GTF3C1: variants seen among roughly 807,000 people sequenced by gnomAD.
GTF3C1 encodes the protein general transcription factor IIIC subunit 1.
In GTF3C1, 57 loss-of-function variants were observed where a neutral mutation model predicts 226.7. That is an observed-to-expected ratio of 0.25 (90% CI 0.20 to 0.31). The LOEUF (loss-of-function observed/expected upper bound fraction) is 0.31. GTF3C1 is among the 10% of genes least tolerant of loss of function. The probability of loss-of-function intolerance (pLI) is 1.00; values close to 1 mark genes in which losing one functional copy is unlikely to be tolerated. For synonymous variants in GTF3C1, 1,090 were observed against 1,084.8 expected, an observed-to-expected ratio of 1.00 and a Z score of -0.09; for missense variants, 2,217 against 2,776.1, an observed-to-expected ratio of 0.80 and a Z score of 4.53.
At position 27,486,033 on chromosome 16, in the gene GTF3C1, C is replaced by T. The variant is rs1220912310; in HGVS notation, c.3822G>A (p.Val1274=). Residue 1274 remains valine, a synonymous_variant, in exon 24 of 37, where the codon GTG becomes GTA. Transcript: ENST00000356183. ...TWSMQEDGLL[V]LCRIASNVLN... is the part of the protein sequence containing the mutation. ...GGACATTGCTGGCAATGCGGCACAG[C>T]ACAAGCAGCCCATCCTCCTGCATAG... 2 of 1,612,638 alleles carry T rather than the reference C, an allele frequency of 1.2e-6. No homozygotes were observed. The highest frequency in any genetic ancestry group is 8.5e-7 in the Non-Finnish European group (1 of 1,179,020).
At chr16:27,528,256 G>A (rs2088862497) in intron 6 of GTF3C1, among the ~76,000 whole-genome samples, 1 of 152,110 alleles carries the variant, frequency 6.6e-6, no homozygotes, top group Non-Finnish European at 1.5e-5. Flanking sequence ...GGCGACAAAA[G>A]CGAGACTGCC....
Position 27,486,138 on chromosome 16 carries a change from T to C in GTF3C1, c.3717A>G (p.Glu1239=), listed in dbSNP as rs1219218608. Residue 1239 remains glutamate (E), a synonymous_variant, in exon 24 of 37, where the codon GAA becomes GAG. Coordinates refer to ENST00000356183, the MANE Select transcript of GTF3C1 (RefSeq NM_001520.4). ...KRKKKGEFPG[E]KSKRLRYHDE... Reference sequence around the variant, plus strand: ...CATGGTAGCGCAGCCTTTTGCTTTTTTCTCCTGGGAACTCTCCTAAAAACA... The same window carrying C: ...CATGGTAGCGCAGCCTTTTGCTTTTCTCTCCTGGGAACTCTCCTAAAAACA... The C allele has an allele frequency of 6.2e-7, 1 of 1,604,558 alleles. No individual in the cohort carries two copies. Among genetic ancestry groups the C allele is most frequent in the Non-Finnish European group, 8.5e-7 (1 of 1,172,184 alleles).
intron 6 of GTF3C1, among the ~76,000 whole-genome samples, chr16:27,513,571 C>T (rs1250012095): frequency 6.6e-6 from 1 of 152,148 alleles, no homozygotes; most frequent in Non-Finnish European, 1.5e-5. Flanking sequence ...GGGACCACAA[C>T]CCAGGGAATG....
At chr16:27,499,862 A>T (rs1036691467) in intron 12 of GTF3C1, among the ~76,000 whole-genome samples, 3 of 152,248 alleles carry the variant, frequency 2.0e-5, no homozygotes, top group African/African-American at 7.2e-5. Context: ...TGCCAGCAGC[A>T]CATGCTCTGG....
rs769508735 is a variant in GTF3C1, at chr16:27,505,890, T to C, written c.1770+9A>G. On this transcript the variant is annotated intron_variant, in intron 10 of 36. Transcript: ENST00000356183. ...TTGGAGACAGCTCCCTCCCTCTGCATGCACTGACCTTTGGGTTTTCCATCC... is the reference window on the plus strand; with the variant it reads ...TTGGAGACAGCTCCCTCCCTCTGCACGCACTGACCTTTGGGTTTTCCATCC... 12 of 1,499,418 alleles carry C rather than the reference T, an allele frequency of 8.0e-6. No homozygotes were observed. In the African/African-American group the frequency reaches 1.5e-4, roughly 19 times the overall value. The allele number at this position is 1,499,418 out of a possible 1,614,324, so 92.9% of individuals were successfully genotyped here.
chr16:27,488,680 A>T (rs753448179), intron 21 of GTF3C1, 45 bp from the exon 22 acceptor site: 4 of 1,478,176 alleles, frequency 2.7e-6, no homozygotes, highest in Non-Finnish European at 3.8e-6. Flanking sequence ...AGCTTCCACA[A>T]ATCCCCAGCC....
intron 13 of GTF3C1, 104 bp from the exon 14 acceptor site, chr16:27,497,925 G>A: frequency 2.1e-6 from 2 of 941,336 alleles, no homozygotes; most frequent in South Asian, 1.9e-5. Context: ...TGGCCTGGGG[G>A]TTTCAAATTC....
rs2087872258 is a variant in GTF3C1, at chr16:27,471,648, C to T, written c.4526+100G>A. On this transcript the variant is annotated intron_variant, in intron 30 of 36. Transcript: ENST00000356183. This position sits in a 1 kb window ranked among gnomAD's most constrained non-coding sequence, Gnocchi z 5.0. ...CACATGAGGCTGCGAAGGTCCCTGG[C>T]TCCTACACGCTTTCATGGCCACAGT... The T allele has an allele frequency of 2.1e-6, 2 of 942,946 alleles. No individual in the cohort carries two copies. Among genetic ancestry groups the T allele is most frequent in the Admixed American group, 4.0e-5 (2 of 49,718 alleles). The allele number at this position is 942,946 out of a possible 1,614,324, so 58.4% of individuals were successfully genotyped here. A position where few individuals can be genotyped will look rare whatever the true frequency, so the allele number is the denominator to read the frequency against.
In GTF3C1 at chr16:27,463,618, G is replaced by A; in HGVS notation, c.5873-26C>T. 6.8e-7 allele frequency: 1 copy of A among 1,470,986 alleles called. No homozygotes were observed. Among genetic ancestry groups the A allele is most frequent in the Non-Finnish European group, 9.5e-7 (1 of 1,048,820 alleles). 91.1% of individuals were successfully genotyped at this position (1,470,986 alleles called of 1,614,324 possible). A position where few individuals can be genotyped will look rare whatever the true frequency, so the allele number is the denominator to read the frequency against. ...CTGAGGGAAGAGGAAGAGAATGTGA[G>A]AGACTCGGAAAGTCAGGGAAGCCAT... On this transcript the variant is annotated intron_variant, in intron 34 of 36. Coordinates refer to ENST00000356183, the MANE Select transcript of GTF3C1 (RefSeq NM_001520.4). The surrounding 1 kb of genome is among the most constrained non-coding windows in gnomAD (Gnocchi z 4.9).
intron 6 of GTF3C1, among the ~76,000 whole-genome samples, chr16:27,517,163 C>T (rs1251662249): frequency 6.6e-6 from 1 of 152,170 alleles, no homozygotes; most frequent in Non-Finnish European, 1.5e-5. Flanking sequence ...AGGTAAACGA[C>T]GGAACAGTGT....
rs1471236052 is a variant in GTF3C1 at position 27,470,252 on chromosome 16, A to G, written c.4670T>C (p.Val1557Ala). 1.2e-6 allele frequency: 2 copies of G among 1,614,044 alleles called. No individual in the cohort carries two copies. The highest frequency in any genetic ancestry group is 2.2e-5 in the East Asian group (1 of 44,882). The stretch of plus-strand genomic sequence containing the variant: ...TCCAGGGCCGTCCAGTGAAAAGGCC[A>G]CCATGTCGTTTGTGGGCTCGTTATT... Reference protein sequence around the residue: ...QDNNEPTNDMVAFSLDGPGGN... With the variant: ...QDNNEPTNDMAAFSLDGPGGN... The change falls in exon 31 of 37, where the codon GTG becomes GCG. Residue 1557 changes from valine to alanine, a missense_variant. Coordinates refer to ENST00000356183, the MANE Select transcript of GTF3C1 (RefSeq NM_001520.4). This position sits in a 1 kb window ranked among gnomAD's most constrained non-coding sequence, Gnocchi z 4.9.
chr16:27,497,839 A>G lies in GTF3C1; in HGVS notation c.2166-18T>C, dbSNP rs376256973. The G allele has an allele frequency of 3.1e-5, 50 of 1,596,450 alleles. No homozygotes were observed. In the African/African-American group the frequency reaches 6.6e-4, roughly 21 times the overall value. On this transcript the variant is annotated intron_variant, in intron 13 of 36. Coordinates refer to ENST00000356183, the MANE Select transcript of GTF3C1 (RefSeq NM_001520.4). ...TTTTAACCCTGCAGTTCAAATAAAC[A>G]TGCAATAATGTACTGAGAAAATCAA...
chr16:27,495,531 C>T, intron 14 of GTF3C1, 39 bp from the exon 15 acceptor site: 1 of 1,577,560 alleles, frequency 6.3e-7, no homozygotes, highest in African/African-American at 1.3e-5. Flanking sequence ...TTGAAAAATC[C>T]CATACTGAAT....
chr16:27,469,495 C>T lies in GTF3C1; in HGVS notation c.4870G>A (p.Glu1624Lys), dbSNP rs747513732. Reference sequence around the variant, plus strand: ...CTCCGGCGCTTGCCCCCTACACCTTCGTCCAAGTCATCCTCTTCATCCTCG... The same window carrying T: ...CTCCGGCGCTTGCCCCCTACACCTTTGTCCAAGTCATCCTCTTCATCCTCG... ...DDEDEEDDLD[E>K]GVGGKRRSME... Residue 1624 changes from glutamate to lysine, a missense_variant, in exon 32 of 37, where the codon GAA (glutamate) becomes AAA (lysine). Coordinates refer to ENST00000356183, the MANE Select transcript of GTF3C1 (RefSeq NM_001520.4). The surrounding 1 kb of genome is among the most constrained non-coding windows in gnomAD (Gnocchi z 4.5). 9.3e-6 allele frequency: 15 copies of T among 1,613,988 alleles called. No homozygotes were observed. In the East Asian group the frequency reaches 1.6e-4, roughly 17 times the overall value.
In GTF3C1 at chr16:27,461,683, A is replaced by C; in HGVS notation, c.6118-121T>G. 3 of 727,290 alleles carry C rather than the reference A, an allele frequency of 4.1e-6. No homozygotes were observed. Among genetic ancestry groups the C allele is most frequent in the South Asian group, 1.7e-5 (1 of 59,704 alleles). The allele number at this position is 727,290 out of a possible 1,614,324, so 45.1% of individuals were successfully genotyped here. On this transcript the variant is annotated intron_variant, in intron 36 of 36. Coordinates refer to ENST00000356183, the MANE Select transcript of GTF3C1 (RefSeq NM_001520.4). This position sits in a 1 kb window ranked among gnomAD's most constrained non-coding sequence, Gnocchi z 5.3. ...GGAGCCACTTCCCAGAGCAGGGGGC[A>C]CCTGAACTGGGCATGAGGCAGATGG...
At chr16:27,476,717 T>C (rs1231877805) in intron 28 of GTF3C1, among the ~76,000 whole-genome samples, 173 bp from the exon 29 acceptor site, 1 of 152,252 alleles carries the variant, frequency 6.6e-6, no homozygotes, top group Non-Finnish European at 1.5e-5. Flanking sequence ...AACAGGTCCA[T>C]TTCTGCAGGA....
At chr16:27,525,623 A>G (rs946038095) in intron 6 of GTF3C1, among the ~76,000 whole-genome samples, 2 of 152,220 alleles carry the variant, frequency 1.3e-5, no homozygotes, top group Admixed American at 6.5e-5. Flanking sequence ...CTAGATGGGC[A>G]GTTCACAGTC....
At chr16:27,491,298 T>C (rs1022619919) in intron 19 of GTF3C1, among the ~76,000 whole-genome samples, 2 of 152,188 alleles carry the variant, frequency 1.3e-5, no homozygotes, top group Admixed American at 6.5e-5. Flanking sequence ...GTGGCTTCCT[T>C]TCTCTCCTGG....
Position 27,486,116 on chromosome 16 carries a change from G to A in GTF3C1, c.3739C>T (p.His1247Tyr), listed in dbSNP as rs752892156. Residue 1247 changes from histidine (H) to tyrosine (Y), a missense_variant, in exon 24 of 37, where the codon CAT becomes TAT. Around this residue, in one of 12 missense-constraint regions of GTF3C1, gnomAD observed 546 missense variants for 663.0 expected, o/e 0.82. Transcript: ENST00000356183. ...PGEKSKRLRYHDEADQSALQR... is the reference protein window; with the variant it reads ...PGEKSKRLRYYDEADQSALQR... ...AGGGCACTCTGGTCGGCTTCATCAT[G>A]GTAGCGCAGCCTTTTGCTTTTTTCT... 1 of 1,607,156 alleles carries A rather than the reference G, an allele frequency of 6.2e-7. No individual in the cohort carries two copies. Among genetic ancestry groups the A allele is most frequent in the Non-Finnish European group, 8.5e-7 (1 of 1,173,994 alleles).
Sources: gnomAD v4.1 joint callset for allele counts (sites outside exome capture counted in the v4.1 genomes callset) on GRCh38, gnomAD v4.1.1 for gene constraint, gnomAD v4.1.1 regional missense constraint, Gnocchi (gnomAD v3.1) non-coding constraint, MANE v1.5 for transcripts, NCBI Gene and HGNC (gene_info 2026-07-23, HGNC 2026-07-21) for gene names.